Variants in APOOL observed in about 807,000 individuals in gnomAD.
APOOL encodes the protein MICOS complex subunit MIC27.
Under a neutral mutation model 23.1 loss-of-function variants are expected in APOOL, and 12 were observed. The ratio of observed to expected loss-of-function variants is 0.52; its 90% CI spans 0.33 to 0.84. The LOEUF (loss-of-function observed/expected upper bound fraction) is 0.84. Ranked by LOEUF, APOOL falls within the 40% of genes least tolerant of loss-of-function variation. APOOL has a pLI of 0.02. For missense variants in APOOL, 212 were observed against 199.6 expected (o/e 1.06, Z -0.37); for synonymous variants, 77 against 69.9 (o/e 1.10, Z -0.51).
chrX:85,018,866 A>G (rs988034849), intron 1 of APOOL, among the ~76,000 whole-genome samples: 2 of 111,775 alleles, frequency 1.8e-5, no homozygotes, highest in Non-Finnish European at 3.8e-5. Flanking sequence ...TTTTCAGATA[A>G]CATAGATCTC....
chrX:85,007,673 C>T (rs1921124811), intron 1 of APOOL, among the ~76,000 whole-genome samples: 2 of 110,950 alleles, frequency 1.8e-5, no homozygotes, highest in Non-Finnish European at 3.8e-5. Context: ...GGGGTCTGGC[C>T]TTCAATTAAG....
intron 2 of APOOL, among the ~76,000 whole-genome samples, chrX:85,049,256 C>T (rs1922680616): frequency 9.0e-6 from 1 of 111,463 alleles, no homozygotes; most frequent in East Asian, 2.8e-4. Flanking sequence ...GAATGCTTTT[C>T]TCAATGGAGG....
chrX:85,026,909 A>G (rs1008932902), intron 1 of APOOL, among the ~76,000 whole-genome samples: 4 of 110,632 alleles, frequency 3.6e-5, no homozygotes, highest in Admixed American at 9.7e-5. Context: ...CACTTTTCCA[A>G]CCTCTGTCCA....
At chrX:85,083,885 C>T (rs1444866169) in intron 8 of APOOL, among the ~76,000 whole-genome samples, 2 of 111,089 alleles carry the variant, frequency 1.8e-5, no homozygotes, top group Non-Finnish European at 3.8e-5. Flanking sequence ...TATTTCTTTC[C>T]TATTTGTAAT....
chrX:85,025,439 A>T (rs1921807042), intron 1 of APOOL, among the ~76,000 whole-genome samples: 1 of 111,878 alleles, frequency 8.9e-6, no homozygotes, highest in East Asian at 2.8e-4. Flanking sequence ...TACTTTCCCA[A>T]CAGTCCCCAA....
chrX:85,018,135 T>C (rs1921540048), intron 1 of APOOL, among the ~76,000 whole-genome samples: 1 of 112,570 alleles, frequency 8.9e-6, no homozygotes, highest in Non-Finnish European at 1.9e-5. Context: ...TTAGCATCTA[T>C]GTTGCATTAG....
chrX:85,085,000 C>G (rs1271504166), intron 8 of APOOL, among the ~76,000 whole-genome samples: 1 of 111,336 alleles, frequency 9.0e-6, no homozygotes, highest in Non-Finnish European at 1.9e-5. Context: ...AGTAGAGATA[C>G]AGCAGAACCA....
At chrX:85,077,078 T>TATATATATATATATAC (rs1569460545) in intron 8 of APOOL, among the ~76,000 whole-genome samples, 1 of 19,769 alleles carries the variant, frequency 5.1e-5, no homozygotes, top group Non-Finnish European at 1.3e-4. Flanking sequence ...TATATATACA[T>TATATATATATATATAC]ATATATATAT....
In APOOL at chrX:85,074,316, C is replaced by G; in HGVS notation, c.643C>G (p.His215Asp). Reference sequence around the variant, plus strand: ...AATAGAAGTACCTGCAAAAACAACTCACGTCTTGAAACACTCAGTGCCCTT... The same window carrying G: ...AATAGAAGTACCTGCAAAAACAACTGACGTCTTGAAACACTCAGTGCCCTT... ...SEIEVPAKTT[H>D]VLKHSVPLPT... The change falls in exon 8 of 9, where the codon CAC (histidine) becomes GAC (aspartate). Residue 215 changes from histidine to aspartate, a missense_variant. Coordinates refer to ENST00000373173, the MANE Select transcript of APOOL (RefSeq NM_198450.6). 1 of 1,211,207 alleles carries G rather than the reference C, an allele frequency of 8.3e-7. No individual in the cohort carries two copies. The highest frequency in any genetic ancestry group is 2.2e-5 in the Admixed American group (1 of 45,993).
At chrX:85,020,113 C>T (rs1033351035) in intron 1 of APOOL, among the ~76,000 whole-genome samples, 7 of 111,545 alleles carry the variant, frequency 6.3e-5, no homozygotes, top group Non-Finnish European at 1.1e-4. Context: ...TCAGCAGGAT[C>T]GGTGATGATG....
At chrX:85,021,373 C>T (rs994219021) in intron 1 of APOOL, among the ~76,000 whole-genome samples, 4 of 111,875 alleles carry the variant, frequency 3.6e-5, no homozygotes, top group African/African-American at 1.3e-4. Flanking sequence ...AGGATCCTGG[C>T]CATTTCCAGT....
chrX:85,073,896 T>G, intron 6 of APOOL, 102 bp from the exon 7 acceptor site: 1 of 528,504 alleles, frequency 1.9e-6, no homozygotes, highest in South Asian at 4.1e-5. Flanking sequence ...CTTTATTGAT[T>G]CTGACTTGAG....
chrX:85,045,221 T>C (rs1207253881), intron 1 of APOOL, among the ~76,000 whole-genome samples: 1 of 111,533 alleles, frequency 9.0e-6, no homozygotes, highest in Non-Finnish European at 1.9e-5. Flanking sequence ...TGTGATGCTG[T>C]TTCCTGTACT....
chrX:85,078,297 T>C (rs1923941611), intron 8 of APOOL, among the ~76,000 whole-genome samples: 1 of 112,084 alleles, frequency 8.9e-6, no homozygotes, highest in African/African-American at 3.2e-5. Flanking sequence ...CAGTTTCAGC[T>C]TTCTACATAT....
chrX:85,008,534 G>A (rs1921153552), intron 1 of APOOL, among the ~76,000 whole-genome samples: 2 of 28,867 alleles, frequency 6.9e-5, no homozygotes, highest in Non-Finnish European at 1.5e-4. Flanking sequence ...ATGATAACCC[G>A]TTGTGTGTGT....
chrX:85,058,944 G>A lies in APOOL; in HGVS notation c.394+3019G>A, dbSNP rs771142164. 7.5e-4 allele frequency among the ~76,000 whole-genome samples: 82 copies of A among 109,264 alleles called. 1 individual carries two copies. The highest frequency in any genetic ancestry group is 2.6e-3 in the African/African-American group (78 of 30,099). 94.9% of individuals were successfully genotyped at this position (109,264 alleles called of 115,157 possible). On this transcript the variant is annotated intron_variant, in intron 5 of 8. Coordinates refer to ENST00000373173, the MANE Select transcript of APOOL (RefSeq NM_198450.6). The stretch of plus-strand genomic sequence containing the variant: ...CACAACGTGCAGGTTTGTTACATAT[G>A]TATACATGTGCCATGTTGGTGTGCT...
At chrX:85,053,922 T>G (rs1744950929) in intron 3 of APOOL, among the ~76,000 whole-genome samples, 1 of 111,483 alleles carries the variant, frequency 9.0e-6, no homozygotes, top group African/African-American at 3.2e-5. Flanking sequence ...TGCTTTAGGC[T>G]TTTTGCTCTT....
chrX:85,078,566 G>A (rs1326450924), intron 8 of APOOL, among the ~76,000 whole-genome samples: 5 of 110,981 alleles, frequency 4.5e-5, no homozygotes, highest in Admixed American at 9.6e-5. Flanking sequence ...TTGACTTGGC[G>A]ATGCGGGCTC....
chrX:85,066,218 C>T (rs1046593124), intron 5 of APOOL, among the ~76,000 whole-genome samples: 3 of 112,142 alleles, frequency 2.7e-5, no homozygotes, highest in Non-Finnish European at 5.6e-5. Context: ...TTACCTGGAT[C>T]ATATATACAG....
Sources: allele counts gnomAD v4.1 joint callset (sites outside exome capture counted in the v4.1 genomes callset), GRCh38; gene constraint gnomAD v4.1.1; transcripts MANE v1.5; gene names NCBI Gene and HGNC (gene_info 2026-07-23, HGNC 2026-07-21).